The following RIMS2 variants were observed in gnomAD, a reference collection of about 807,000 sequenced individuals.
The protein encoded by RIMS2 is regulating synaptic membrane exocytosis 2.
In RIMS2, 59 loss-of-function variants were observed where a neutral mutation model predicts 174.4. That is an observed-to-expected ratio of 0.34 (90% CI 0.27 to 0.42). RIMS2 has a LOEUF of 0.42. RIMS2 is among the 10% of genes least tolerant of loss of function. RIMS2 has a pLI of 1.00. For synonymous variants in RIMS2, 606 were observed against 572.5 expected (o/e 1.06, Z -0.84); for missense variants, 1,620 against 1,666.3 (o/e 0.97, Z 0.48).
chr8:103,639,172 T>C (rs1372129136), intron 1 of RIMS2, among the ~76,000 whole-genome samples: 2 of 151,978 alleles, frequency 1.3e-5, no homozygotes, highest in Non-Finnish European at 2.9e-5. Flanking sequence ...ATTACAGTTA[T>C]CTAGTTAAAA....
chr8:104,058,387 A>G (rs1488138775), intron 19 of RIMS2, among the ~76,000 whole-genome samples: 2 of 149,762 alleles, frequency 1.3e-5, no homozygotes, highest in African/African-American at 5.0e-5. Context: ...GTGTCTGTTC[A>G]TATCCTTCGC....
chr8:103,728,481 G>A (rs1468195575), intron 2 of RIMS2, among the ~76,000 whole-genome samples: 2 of 152,030 alleles, frequency 1.3e-5, no homozygotes, highest in African/African-American at 4.8e-5. Context: ...TAACAGTGGT[G>A]GAAGTGGTCA....
At chr8:103,820,482 T>A (rs558233688) in intron 3 of RIMS2, among the ~76,000 whole-genome samples, 14 of 152,092 alleles carry the variant, frequency 9.2e-5, no homozygotes, top group African/African-American at 3.4e-4. Flanking sequence ...TAATAGTGCA[T>A]AAAATATTGA....
At position 103,583,290 on chromosome 8, in the gene RIMS2, C is replaced by T. The variant is rs146617047; in HGVS notation, c.176+82228C>T. 4.2e-3 allele frequency among the ~76,000 whole-genome samples: 641 copies of T among 152,160 alleles called. 4 individuals carry two copies. The highest frequency in any genetic ancestry group is 0.015 in the African/African-American group (610 of 41,492). On this transcript the variant is annotated intron_variant, in intron 1 of 23. Transcript: ENST00000504942. Reference sequence around the variant, plus strand: ...ACAACATCATAGTCCCTTCAAATATCTGGAAAGCCTTCCAAAGAAGGACGT... The same window carrying T: ...ACAACATCATAGTCCCTTCAAATATTTGGAAAGCCTTCCAAAGAAGGACGT...
At chr8:103,949,478 A>G (rs773435615) in intron 14 of RIMS2, among the ~76,000 whole-genome samples, 1 of 152,236 alleles carries the variant, frequency 6.6e-6, no homozygotes, top group Non-Finnish European at 1.5e-5. Context: ...TTAGAAATCA[A>G]TAACAGAAAA....
chr8:103,579,695 A>G (rs950380868), intron 1 of RIMS2, among the ~76,000 whole-genome samples: 6 of 152,226 alleles, frequency 3.9e-5, no homozygotes, highest in South Asian at 4.1e-4. Flanking sequence ...AATGCCAATT[A>G]AAATATAATA....
At chr8:103,816,644 T>A (rs545751379) in intron 3 of RIMS2, among the ~76,000 whole-genome samples, 3 of 152,102 alleles carry the variant, frequency 2.0e-5, no homozygotes, top group African/African-American at 7.2e-5. Flanking sequence ...TAGGGGCAGG[T>A]GAAAGGGTGG....
intron 2 of RIMS2, among the ~76,000 whole-genome samples, chr8:103,758,168 CTCT>C (rs1358396133): frequency 6.6e-6 from 1 of 151,942 alleles, no homozygotes; most frequent in East Asian, 1.9e-4. Context: ...TCCTGTCTTT[CTCT>C]TCTTCTCTTT....
At chr8:104,201,656 G>A (rs182801367) in intron 19 of RIMS2, among the ~76,000 whole-genome samples, 1 of 152,232 alleles carries the variant, frequency 6.6e-6, no homozygotes, top group African/African-American at 2.4e-5. Flanking sequence ...CCCTTTAAAT[G>A]ATGAAATGAG....
At chr8:104,214,024 T>C (rs2099118252) in intron 19 of RIMS2, among the ~76,000 whole-genome samples, 1 of 152,228 alleles carries the variant, frequency 6.6e-6, no homozygotes, top group Admixed American at 6.5e-5. Flanking sequence ...TGTCTTTTCA[T>C]AGTTTGTTGT....
intron 3 of RIMS2, among the ~76,000 whole-genome samples, chr8:103,797,461 G>A (rs1424131303): frequency 6.6e-6 from 1 of 152,126 alleles, no homozygotes; most frequent in Non-Finnish European, 1.5e-5. Context: ...CACTGAAAAA[G>A]TAGTAGCTAC....
At chr8:103,542,484 T>C (rs558378826) in intron 1 of RIMS2, among the ~76,000 whole-genome samples, 103 of 152,312 alleles carry the variant, frequency 6.8e-4, no homozygotes, top group South Asian at 1.2e-3. Context: ...TCCAGACTTA[T>C]TTTATAAAGC....
At chr8:103,962,943 G>T (rs1456379850) in intron 15 of RIMS2, among the ~76,000 whole-genome samples, 1 of 151,954 alleles carries the variant, frequency 6.6e-6, no homozygotes, top group Non-Finnish European at 1.5e-5. Context: ...TGGTATTGTA[G>T]TTTCTGAAAT....
chr8:103,587,728 C>A (rs1321572965), intron 1 of RIMS2, among the ~76,000 whole-genome samples: 6 of 151,866 alleles, frequency 4.0e-5, no homozygotes. Flanking sequence ...ATGAAAAATC[C>A]TCAAAAAACT....
At chr8:103,501,166 C>T in intron 1 of RIMS2, 104 bp downstream of exon 1, 1 of 893,038 alleles carries the variant, frequency 1.1e-6, no homozygotes, top group Non-Finnish European at 1.5e-6. Context: ...CTCCCTCCCG[C>T]TGGCGGCGCC....
chr8:103,649,163 G>A (rs2096402180), intron 1 of RIMS2, among the ~76,000 whole-genome samples: 1 of 152,106 alleles, frequency 6.6e-6, no homozygotes, highest in Non-Finnish European at 1.5e-5. Context: ...GCATTTGATT[G>A]TCTGAAAAGG....
intron 2 of RIMS2, among the ~76,000 whole-genome samples, chr8:103,751,977 G>A (rs1021350689): frequency 2.0e-5 from 3 of 152,070 alleles, no homozygotes; most frequent in African/African-American, 7.2e-5. Context: ...TGTCAATTTT[G>A]GCTTTTGTTG....
chr8:103,670,288 C>G (rs1363386107), intron 1 of RIMS2, among the ~76,000 whole-genome samples: 1 of 152,206 alleles, frequency 6.6e-6, no homozygotes, highest in Non-Finnish European at 1.5e-5. Flanking sequence ...CCCACAAAAC[C>G]ATTTTTTTCC....
At chr8:103,590,968 C>T (rs2094224743) in intron 1 of RIMS2, among the ~76,000 whole-genome samples, 2 of 150,704 alleles carry the variant, frequency 1.3e-5, no homozygotes, top group Admixed American at 6.6e-5. Context: ...ATTGCCAGGC[C>T]TTTTTCCAGA....
Sources: allele counts gnomAD v4.1 joint callset (sites outside exome capture counted in the v4.1 genomes callset), GRCh38; gene constraint gnomAD v4.1.1; transcripts MANE v1.5; gene names NCBI Gene and HGNC (gene_info 2026-07-23, HGNC 2026-07-21).